Variants in PBX1 observed in about 807,000 individuals in gnomAD.
The protein encoded by PBX1 is PBX homeobox 1.
PBX1 carries 6 observed loss-of-function variants against 53.4 expected under a neutral mutation model. The ratio of observed to expected loss-of-function variants is 0.11; its 90% CI spans 0.06 to 0.22. The LOEUF (loss-of-function observed/expected upper bound fraction) is 0.22, where lower values mean the gene tolerates loss of function less well. Among genes scored for constraint, PBX1 ranks in the 10% least tolerant of loss-of-function variants. The pLI is 1.00. For synonymous variants in PBX1, 204 were observed against 212.3 expected (o/e 0.96, Z 0.34); for missense variants, 251 against 551.4 (o/e 0.46, Z 5.46).
chr1:164,625,810 A>T (rs750758632), intron 2 of PBX1: 51 of 102,992 alleles, frequency 5.0e-4, no homozygotes, highest in Non-Finnish European at 8.0e-4. Flanking sequence ...GATGGGATTT[A>T]AAAAAAAAAA....
At chr1:164,699,119 C>T (rs750383138) in intron 2 of PBX1, among the ~76,000 whole-genome samples, 7 of 152,150 alleles carry the variant, frequency 4.6e-5, no homozygotes, top group Non-Finnish European at 1.0e-4. Context: ...AGCAGCGGGC[C>T]TGGGTGATCA....
intron 2 of PBX1, among the ~76,000 whole-genome samples, chr1:164,578,516 C>T (rs924544209): frequency 3.3e-5 from 5 of 152,180 alleles, no homozygotes; most frequent in Admixed American, 2.6e-4. Flanking sequence ...TGTGAAACTT[C>T]TCCCATGCCT....
chr1:164,683,148 G>A (rs1183210413), intron 2 of PBX1: 1 of 152,172 alleles, frequency 6.6e-6, no homozygotes, highest in African/African-American at 2.4e-5. Context: ...GTATTTGCAT[G>A]GCCCTGTATC....
At chr1:164,682,763 T>G (rs2800801) in intron 2 of PBX1, 2 of 152,054 alleles carry the variant, frequency 1.3e-5, no homozygotes, top group Non-Finnish European at 2.9e-5. Context: ...AACCTGTGGC[T>G]GCTGCCATTG....
At chr1:164,734,900 T>G (rs530139308) in intron 2 of PBX1, among the ~76,000 whole-genome samples, 4 of 152,292 alleles carry the variant, frequency 2.6e-5, no homozygotes, top group Admixed American at 2.0e-4. Context: ...AGAGATAATA[T>G]TATGACTTAT....
At chr1:164,668,229 G>C (rs894585267) in intron 2 of PBX1, among the ~76,000 whole-genome samples, 1 of 152,128 alleles carries the variant, frequency 6.6e-6, no homozygotes, top group Admixed American at 6.5e-5. Flanking sequence ...TCACACCCAA[G>C]CGACCGGTCT....
Position 164,875,049 on chromosome 1 carries a change from T to G in PBX1, n.258-24139T>G, listed in dbSNP as rs73030726. Among the ~76,000 whole-genome samples, 745 of 152,272 alleles carry G rather than the reference T, an allele frequency of 4.9e-3. 6 individuals are homozygous for G. The highest frequency in any genetic ancestry group is 0.016 in the African/African-American group (684 of 41,566). On this transcript the variant is annotated intron_variant and non_coding_transcript_variant, in intron 2 of 2. Coordinates refer to the PBX1 transcript ENST00000558796. Reference sequence around the variant, plus strand: ...GGAAGAAATACAACGACTTTTGAAATAATCAAAGCCACCTCCCCTCAGTGT... The same window carrying G: ...GGAAGAAATACAACGACTTTTGAAAGAATCAAAGCCACCTCCCCTCAGTGT...
chr1:164,809,019 A>G (rs1409306802), intron 5 of PBX1, among the ~76,000 whole-genome samples: 1 of 151,958 alleles, frequency 6.6e-6, no homozygotes, highest in Non-Finnish European at 1.5e-5. Flanking sequence ...CCTTTTCCAC[A>G]AAAAAGGGAA....
chr1:164,759,863 A>G (rs950415946), intron 2 of PBX1, among the ~76,000 whole-genome samples: 1 of 152,134 alleles, frequency 6.6e-6, no homozygotes, highest in Non-Finnish European at 1.5e-5. Flanking sequence ...CTGACTCCTT[A>G]GGAGGTTTTG....
chr1:164,561,271 G>A (rs575801336), intron 1 of PBX1, among the ~76,000 whole-genome samples: 1 of 152,304 alleles, frequency 6.6e-6, no homozygotes, highest in East Asian at 1.9e-4. Flanking sequence ...AAGAATCTGA[G>A]TTGAGAAAAT....
At chr1:164,749,001 C>A (rs911904139) in intron 2 of PBX1, among the ~76,000 whole-genome samples, 1 of 152,108 alleles carries the variant, frequency 6.6e-6, no homozygotes, top group African/African-American at 2.4e-5. Flanking sequence ...AGACCTCACT[C>A]CTGGTTGGGA....
chr1:164,802,292 C>G (rs1484880596), intron 4 of PBX1, among the ~76,000 whole-genome samples: 1 of 152,222 alleles, frequency 6.6e-6, no homozygotes, highest in African/African-American at 2.4e-5. Context: ...TAGCTGGATC[C>G]TCTGCCCTAA....
At chr1:164,609,201 G>A (rs1488420663) in intron 2 of PBX1, among the ~76,000 whole-genome samples, 1 of 151,650 alleles carries the variant, frequency 6.6e-6, no homozygotes, top group Non-Finnish European at 1.5e-5. Flanking sequence ...CTACACTGAT[G>A]TACAGGAAAC....
At chr1:164,758,239 T>A (rs1280154039) in intron 2 of PBX1, among the ~76,000 whole-genome samples, 1 of 152,238 alleles carries the variant, frequency 6.6e-6, no homozygotes, top group Non-Finnish European at 1.5e-5. Flanking sequence ...AAAATACTGT[T>A]GATTATTTTA....
chr1:164,851,878 CT>C (rs1302244808), downstream of PBX1: 1 of 162,300 alleles, frequency 6.2e-6, no homozygotes, highest in Admixed American at 6.5e-5. Flanking sequence ...GGCAACTTCT[CT>C]TTCCCCAAAC....
At chr1:164,628,220 A>G (rs1658173078) in intron 2 of PBX1, among the ~76,000 whole-genome samples, 1 of 152,210 alleles carries the variant, frequency 6.6e-6, no homozygotes, top group Non-Finnish European at 1.5e-5. Context: ...TAAATTGCTA[A>G]GTTTTCTAGT....
chr1:164,669,338 T>C (rs559061251), intron 2 of PBX1, among the ~76,000 whole-genome samples: 1 of 152,256 alleles, frequency 6.6e-6, no homozygotes, highest in South Asian at 2.1e-4. Context: ...ATAATTACAC[T>C]CGTCCACTTT....
chr1:164,753,574 G>A (rs1237077197), intron 2 of PBX1, among the ~76,000 whole-genome samples: 2 of 152,160 alleles, frequency 1.3e-5, no homozygotes, highest in African/African-American at 4.8e-5. Context: ...ATTAAAAATG[G>A]AGTTTGCAAG....
chr1:164,660,928 G>A (rs1367103234), intron 2 of PBX1, among the ~76,000 whole-genome samples: 2 of 152,054 alleles, frequency 1.3e-5, no homozygotes, highest in Non-Finnish European at 2.9e-5. Flanking sequence ...TACCTTACTG[G>A]TGGAGCCAAG....
Sources: allele counts gnomAD v4.1 joint callset (sites outside exome capture counted in the v4.1 genomes callset), GRCh38; gene constraint gnomAD v4.1.1; transcripts MANE v1.5; gene names NCBI Gene and HGNC (gene_info 2026-07-23, HGNC 2026-07-21).